The following UROS variants were observed in gnomAD, a reference collection of about 807,000 sequenced individuals.
UROS encodes uroporphyrinogen III synthase.
Under a neutral mutation model 33.0 loss-of-function variants are expected in UROS, and 18 were observed. The observed-to-expected ratio is 0.55, with a 90% confidence interval of 0.38 to 0.81. UROS has a LOEUF of 0.81. UROS is among the 30% of genes least tolerant of loss of function. The probability of loss-of-function intolerance (pLI) is 0.00; values close to 1 mark genes in which losing one functional copy is unlikely to be tolerated. For synonymous variants in UROS, 114 were observed against 121.1 expected, an observed-to-expected ratio of 0.94 and a Z score of 0.38; for missense variants, 293 against 314.9, an observed-to-expected ratio of 0.93 and a Z score of 0.53.
intron 1 of UROS, among the ~76,000 whole-genome samples, chr10:125,822,159 A>G (rs1301841273): frequency 1.3e-5 from 2 of 152,020 alleles, no homozygotes; most frequent in African/African-American, 4.8e-5. Flanking sequence ...AAGCTGATGA[A>G]CCCTGTTTCT....
At chr10:125,822,507 G>A (rs1161490003) in intron 1 of UROS, among the ~76,000 whole-genome samples, 1 of 152,108 alleles carries the variant, frequency 6.6e-6, no homozygotes, top group Admixed American at 6.5e-5. Flanking sequence ...ATTTTTAGTA[G>A]AGATGGGATT....
At chr10:125,797,053 C>G (rs927307629) in intron 7 of UROS, among the ~76,000 whole-genome samples, 1 of 152,124 alleles carries the variant, frequency 6.6e-6, no homozygotes, top group African/African-American at 2.4e-5. Flanking sequence ...TTCTTGTTCC[C>G]GAAAAGCTAA....
In UROS at chr10:125,816,419, G is replaced by A. The variant is rs776458573; in HGVS notation, c.63+18C>T. 2.3e-5 allele frequency: 37 copies of A among 1,613,968 alleles called. No homozygotes were observed. In the Admixed American group the frequency reaches 6.0e-4, roughly 26 times the overall value. On this transcript the variant is annotated intron_variant, in intron 2 of 9. Coordinates refer to ENST00000368797, the MANE Select transcript of UROS (RefSeq NM_000375.3). ...AGTAGAAAGGACACTGTGGGATAAG[G>A]AGTCTCAGGCCACTTACCCTGATAT...
intron 6 of UROS, among the ~76,000 whole-genome samples, chr10:125,800,490 C>T (rs1212878097): frequency 6.6e-6 from 1 of 152,112 alleles, no homozygotes; most frequent in Non-Finnish European, 1.5e-5. Context: ...GTGTGGTACC[C>T]CTGGTATTCA....
At chr10:125,800,477 C>A (rs534845935) in intron 6 of UROS, among the ~76,000 whole-genome samples, 14 of 152,222 alleles carry the variant, frequency 9.2e-5, no homozygotes, top group African/African-American at 3.4e-4. Context: ...CTCATCAGCT[C>A]ATGTGTGGTA....
chr10:125,799,006 A>T (rs1206807685), intron 6 of UROS, among the ~76,000 whole-genome samples: 1 of 152,350 alleles, frequency 6.6e-6, no homozygotes, highest in East Asian at 1.9e-4. Flanking sequence ...AATGGGCGTT[A>T]TTCATACACA....
rs762172180 is a variant in UROS at position 125,803,066 on chromosome 10, T to G, written c.394+4347A>C. The G allele has an allele frequency of 3.7e-6, 6 of 1,612,774 alleles. No individual in the cohort carries two copies. The South Asian group carries it at 6.6e-5, about 18-fold the overall frequency. ...GAGCATATTTTGGACTTGGACTAAG[T>G]ATCTTTTAGAAGCACACAGAGCAAG... On this transcript the variant is annotated intron_variant, in intron 6 of 9. Coordinates refer to ENST00000368797, the MANE Select transcript of UROS (RefSeq NM_000375.3).
In UROS at chr10:125,794,869, G is replaced by T; in HGVS notation, c.660+11C>A. On this transcript the variant is annotated intron_variant, in intron 9 of 9. Transcript: ENST00000368797. ...ATCTGAAAAAGACCAAAAGCTCATT[G>T]AATAACTTACCTTAATTTGATCGAT... 2 of 1,592,576 alleles carry T rather than the reference G, an allele frequency of 1.3e-6. No individual in the cohort carries two copies. The highest frequency in any genetic ancestry group is 1.1e-5 in the South Asian group (1 of 90,524).
chr10:125,807,115 C>A, intron 6 of UROS: 1 of 406,626 alleles, frequency 2.5e-6, no homozygotes, highest in Non-Finnish European at 4.6e-6. Context: ...CCTGCCTCTG[C>A]TCTCTTTGGA....
downstream of UROS, chr10:125,785,741 G>C (rs1179669194): frequency 6.6e-6 from 1 of 152,212 alleles, no homozygotes; most frequent in East Asian, 1.9e-4. Flanking sequence ...CTCTGGGCCT[G>C]GGGGGCCAGT....
chr10:125,789,283 C>A (rs1203249572), intron 9 of UROS: 18 of 1,384,410 alleles, frequency 1.3e-5, no homozygotes, highest in Non-Finnish European at 1.5e-5. Flanking sequence ...TGGTGCTCAC[C>A]ATCACGGCTG....
At chr10:125,805,053 G>A (rs1852199877) in intron 6 of UROS, among the ~76,000 whole-genome samples, 2 of 152,228 alleles carry the variant, frequency 1.3e-5, no homozygotes, top group South Asian at 4.1e-4. Context: ...CAAGAGAGGC[G>A]TCAGTCAATG....
chr10:125,791,537 G>A (rs1850935952), intron 9 of UROS: 2 of 148,930 alleles, frequency 1.3e-5, no homozygotes, highest in South Asian at 2.1e-4. Context: ...TGAATGTTTA[G>A]CATTATTTAA....
rs1850708162 is a variant in UROS at position 125,788,721 on chromosome 10, C to A, written c.*147G>T. The A allele has an allele frequency of 6.9e-7, 1 of 1,439,902 alleles. No homozygotes were observed. Among genetic ancestry groups the A allele is most frequent in the East Asian group, 2.5e-5 (1 of 40,064 alleles). The allele number at this position is 1,439,902 out of a possible 1,614,324, so 89.2% of individuals were successfully genotyped here. ...CCTGAGGCCAGCCCCAGGTCAGGTCCCGATCCCCGGTCCTCAGGTGCTTCC... is the reference window on the plus strand; with the variant it reads ...CCTGAGGCCAGCCCCAGGTCAGGTCACGATCCCCGGTCCTCAGGTGCTTCC... On this transcript the variant is annotated 3_prime_UTR_variant, in exon 10 of 10. Coordinates refer to ENST00000368797, the MANE Select transcript of UROS (RefSeq NM_000375.3).
intron 9 of UROS, chr10:125,789,251 C>T (rs962263405): frequency 4.2e-6 from 6 of 1,421,388 alleles, no homozygotes; most frequent in Non-Finnish European, 5.5e-6. Flanking sequence ...AGGTGAGGGG[C>T]AGGGACTTGA....
downstream of UROS, among the ~76,000 whole-genome samples, chr10:125,786,035 G>C (rs947483208): frequency 1.3e-5 from 2 of 152,134 alleles, no homozygotes; most frequent in Non-Finnish European, 2.9e-5. Flanking sequence ...CTGGCAGGGT[G>C]GGGGGTGCGA....
At chr10:125,807,269 A>G (rs1257810098) in intron 6 of UROS, 144 bp downstream of exon 6, 2 of 736,260 alleles carry the variant, frequency 2.7e-6, no homozygotes, top group Non-Finnish European at 4.7e-6. Context: ...CAAATAGGCT[A>G]TGCTCCCAGA....
chr10:125,821,514 T>C (rs1392265785), intron 1 of UROS, among the ~76,000 whole-genome samples: 1 of 152,250 alleles, frequency 6.6e-6, no homozygotes, highest in Non-Finnish European at 1.5e-5. Flanking sequence ...TTTTGCTAGA[T>C]GAAAAGAGTT....
chr10:125,788,766 G>A lies in UROS; in HGVS notation c.*102C>T, dbSNP rs537084224. The A allele has an allele frequency of 6.8e-7, 1 of 1,478,932 alleles. No individual in the cohort carries two copies. Among genetic ancestry groups the A allele is most frequent in the Non-Finnish European group, 9.0e-7 (1 of 1,114,518 alleles). The allele number at this position is 1,478,932 out of a possible 1,614,324, so 91.6% of individuals were successfully genotyped here. On this transcript the variant is annotated 3_prime_UTR_variant, in exon 10 of 10. Coordinates refer to ENST00000368797, the MANE Select transcript of UROS (RefSeq NM_000375.3). The stretch of plus-strand genomic sequence containing the variant: ...GCTTCCACTCAGGCTTGAGGCAGGA[G>A]TCTGACGGCAGCAGCTCCCGAGAGC...
Sources: allele counts gnomAD v4.1 joint callset (sites outside exome capture counted in the v4.1 genomes callset), GRCh38; gene constraint gnomAD v4.1.1; transcripts MANE v1.5; gene names NCBI Gene and HGNC (gene_info 2026-07-23, HGNC 2026-07-21).